The following TBC1D19 variants were observed in gnomAD, a reference collection of about 807,000 sequenced individuals.
TBC1D19 encodes the protein TBC1 domain family member 19, also known as TBC1 domain family, member 19.
TBC1D19 carries 60 observed loss-of-function variants against 89.0 expected under a neutral mutation model. The ratio of observed to expected loss-of-function variants is 0.67; its 90% CI spans 0.55 to 0.84. The LOEUF is 0.84. TBC1D19 is among the 40% of genes least tolerant of loss of function. The pLI, the probability that TBC1D19 is intolerant of heterozygous loss-of-function variation, is 0.00. For missense variants in TBC1D19, 500 were observed against 610.8 expected, an observed-to-expected ratio of 0.82 and a Z score of 1.91; for synonymous variants, 189 against 199.7, an observed-to-expected ratio of 0.95 and a Z score of 0.45.
At chr4:26,782,661 T>A in the TBC1D19 span, among the ~76,000 whole-genome samples, 1 of 152,226 alleles carries the variant, frequency 6.6e-6, no homozygotes, top group Admixed American at 6.5e-5. Context: ...CTTGTGGCTA[T>A]GCCAGTGTTT....
At chr4:26,619,656 C>A (rs1477975180) in intron 3 of TBC1D19, among the ~76,000 whole-genome samples, 3 of 151,768 alleles carry the variant, frequency 2.0e-5, no homozygotes, top group Non-Finnish European at 4.4e-5. Context: ...AATTTTTTTT[C>A]ATTTGTGAAT....
chr4:26,698,038 AG>A (rs1325590720), intron 13 of TBC1D19, among the ~76,000 whole-genome samples: 2 of 152,182 alleles, frequency 1.3e-5, no homozygotes, highest in Non-Finnish European at 2.9e-5. Context: ...AAGGAAATAA[AG>A]GGTATTCAAT....
the TBC1D19 span, among the ~76,000 whole-genome samples, chr4:26,801,453 C>G: frequency 6.6e-6 from 1 of 152,108 alleles, no homozygotes; most frequent in Admixed American, 6.5e-5. Flanking sequence ...ATGCCTCCAG[C>G]TTTGTTCTTT....
intron 1 of TBC1D19, among the ~76,000 whole-genome samples, chr4:26,588,042 T>TTTG (rs1437882621): frequency 2.0e-5 from 3 of 150,580 alleles, no homozygotes; most frequent in Admixed American, 1.3e-4. Flanking sequence ...TTTTTTTTTT[T>TTTG]TGAGGTGAAA....
chr4:26,639,269 G>A (rs750648064), intron 6 of TBC1D19, among the ~76,000 whole-genome samples: 9 of 151,950 alleles, frequency 5.9e-5, no homozygotes, highest in African/African-American at 2.2e-4. Context: ...GGCTCTCTCT[G>A]TTGAACTCCT....
the TBC1D19 span, among the ~76,000 whole-genome samples, chr4:26,822,693 TG>T: frequency 1.4e-5 from 2 of 144,754 alleles, no homozygotes; most frequent in African/African-American, 5.8e-5. Context: ...CTGTAATAAA[TG>T]TATACTTCTT....
At chr4:26,678,550 A>G (rs909714124) in intron 11 of TBC1D19, among the ~76,000 whole-genome samples, 1 of 151,688 alleles carries the variant, frequency 6.6e-6, no homozygotes, top group African/African-American at 2.4e-5. Context: ...TCAACCTCAG[A>G]TGACATAGAC....
intron 1 of TBC1D19, among the ~76,000 whole-genome samples, 174 bp downstream of exon 1, chr4:26,584,466 CAAAA>C (rs1321957187): frequency 3.9e-5 from 6 of 151,946 alleles, no homozygotes; most frequent in South Asian, 2.1e-4. Context: ...CAAAACAAAA[CAAAA>C]AAACCCCACC....
chr4:26,670,613 C>T (rs535293803), intron 9 of TBC1D19, among the ~76,000 whole-genome samples: 3 of 151,606 alleles, frequency 2.0e-5, no homozygotes, highest in Non-Finnish European at 4.4e-5. Context: ...ATACAAATCA[C>T]GTATATACAG....
intron 7 of TBC1D19, among the ~76,000 whole-genome samples, chr4:26,648,387 A>G (rs1226043195): frequency 2.0e-5 from 3 of 152,184 alleles, no homozygotes; most frequent in Non-Finnish European, 4.4e-5. Flanking sequence ...TGGTCATAAA[A>G]ATAGCATATT....
chr4:26,811,340 C>A, the TBC1D19 span, among the ~76,000 whole-genome samples: 1 of 152,168 alleles, frequency 6.6e-6, no homozygotes, highest in East Asian at 1.9e-4. Context: ...GGACATCACA[C>A]AATGGGGCCT....
chr4:26,601,230 G>C (rs567541208), intron 1 of TBC1D19, among the ~76,000 whole-genome samples: 2 of 151,784 alleles, frequency 1.3e-5, no homozygotes, highest in Admixed American at 6.6e-5. Context: ...ACTGTTCTAC[G>C]GTCTGTCTCT....
chr4:26,719,970 A>C (rs1272610901), intron 14 of TBC1D19, 111 bp from the exon 15 acceptor site: 18 of 715,814 alleles, frequency 2.5e-5, no homozygotes, highest in Non-Finnish European at 3.5e-5. Flanking sequence ...ATGACATATC[A>C]GTTTATAGTA....
At chr4:26,845,497 A>G in the TBC1D19 span, among the ~76,000 whole-genome samples, 1 of 152,178 alleles carries the variant, frequency 6.6e-6, no homozygotes, top group Non-Finnish European at 1.5e-5. Context: ...CTTTTTCATC[A>G]TCCCAAACTG....
At chr4:26,680,818 T>C (rs554757922) in intron 11 of TBC1D19, among the ~76,000 whole-genome samples, 1 of 152,342 alleles carries the variant, frequency 6.6e-6, no homozygotes, top group South Asian at 2.1e-4. Context: ...CTTTCTCTCG[T>C]TTTTCTTTAT....
chr4:26,606,723 C>T (rs1741030316), intron 1 of TBC1D19, among the ~76,000 whole-genome samples: 1 of 151,996 alleles, frequency 6.6e-6, no homozygotes, highest in Non-Finnish European at 1.5e-5. Flanking sequence ...CACTTCTAAC[C>T]CTACAGTTCC....
At chr4:26,742,640 A>G in intron 18 of TBC1D19, 41 bp downstream of exon 18, 1 of 1,552,822 alleles carries the variant, frequency 6.4e-7, no homozygotes, top group African/African-American at 1.4e-5. Context: ...AGATAGTTTC[A>G]CAGAAAGCTC....
At chr4:26,794,152 G>T in the TBC1D19 span, among the ~76,000 whole-genome samples, 2 of 152,116 alleles carry the variant, frequency 1.3e-5, no homozygotes, top group African/African-American at 4.8e-5. Flanking sequence ...ATTGATATCT[G>T]TTCTATCCTA....
the TBC1D19 span, among the ~76,000 whole-genome samples, chr4:26,805,717 C>T: frequency 6.6e-6 from 1 of 152,136 alleles, no homozygotes; most frequent in Non-Finnish European, 1.5e-5. Context: ...CAAATCAGGC[C>T]GGGCACAGTG....
Sources: allele counts gnomAD v4.1 joint callset (sites outside exome capture counted in the v4.1 genomes callset), GRCh38; gene constraint gnomAD v4.1.1; transcripts MANE v1.5; gene names NCBI Gene and HGNC (gene_info 2026-07-23, HGNC 2026-07-21).